ARL6IP4: variants seen among roughly 807,000 people sequenced by gnomAD.
ARL6IP4 encodes the protein ARF like GTPase 6 interacting protein 4, also known as ADP-ribosylation factor-like protein 6-interacting protein 4.
In ARL6IP4, 24 loss-of-function variants were observed where a neutral mutation model predicts 28.1. That is an observed-to-expected ratio of 0.86 (90% CI 0.62 to 1.20). ARL6IP4 has a LOEUF of 1.20. Ranked by LOEUF, ARL6IP4 falls within the 50% of genes most tolerant of loss-of-function variation. The pLI, the probability that ARL6IP4 is intolerant of heterozygous loss-of-function variation, is 0.00. For missense variants in ARL6IP4, 343 were observed against 302.4 expected, an observed-to-expected ratio of 1.13 and a Z score of -1.00; for synonymous variants, 162 against 122.3, an observed-to-expected ratio of 1.32 and a Z score of -2.14.
In ARL6IP4 at chr12:122,981,254, T is replaced by C. The variant is rs1594105660; in HGVS notation, c.115T>C (p.Ser39Pro). Residue 39 changes from serine (S) to proline (P), a missense_variant, in exon 2 of 6, where the codon TCC becomes CCC. Physicochemically the swap from Ser to Pro is moderately conservative, Grantham distance 74. Transcript: ENST00000315580. ...RKDTSRNCSA[S>P]TSQGRKASTA... ...AGACACCTCGAGGAACTGCTCGGCC[T>C]CCACATCCCAAGGTCGCAAGGCCAG... 6.5e-7 allele frequency: 1 copy of C among 1,549,708 alleles called. No individual in the cohort carries two copies. The highest frequency in any genetic ancestry group is 2.5e-5 in the East Asian group (1 of 40,694).
chr12:122,982,419 A>G, intron 4 of ARL6IP4, 50 bp from the exon 5 acceptor site: 1 of 1,538,068 alleles, frequency 6.5e-7, no homozygotes, highest in Non-Finnish European at 8.9e-7. Context: ...CTCCTCTGGC[A>G]TTAGGGGACC....
Position 122,982,685 on chromosome 12 carries a change from G to C in ARL6IP4, c.*9G>C, listed in dbSNP as rs376742442. The C allele has an allele frequency of 3.1e-6, 5 of 1,613,020 alleles. No homozygotes were observed. In the South Asian group the frequency reaches 5.5e-5, roughly 18 times the overall value. Reference sequence around the variant, plus strand: ...CTGGGTTGCTTCCCTGAGGGCCCCCGCTGGCCAAGGCCTGTGGACGACGCT... The same window carrying C: ...CTGGGTTGCTTCCCTGAGGGCCCCCCCTGGCCAAGGCCTGTGGACGACGCT... On this transcript the variant is annotated 3_prime_UTR_variant, in exon 6 of 6. Coordinates refer to ENST00000315580, the MANE Select transcript of ARL6IP4 (RefSeq NM_018694.4).
chr12:122,981,333 A>C (rs2037641011), intron 2 of ARL6IP4, 34 bp downstream of exon 2: 33 of 1,526,114 alleles, frequency 2.2e-5, no homozygotes, highest in Non-Finnish European at 2.9e-5. Context: ...GAGGAGGCGC[A>C]GTTACTACCC....
In ARL6IP4 at chr12:122,982,857, C is replaced by A; in HGVS notation, c.*181C>A. The A allele has an allele frequency of 1.6e-6, 1 of 636,444 alleles. No homozygotes were observed. Among genetic ancestry groups the A allele is most frequent in the Non-Finnish European group, 2.7e-6 (1 of 365,166 alleles). 39.4% of individuals were successfully genotyped at this position (636,444 alleles called of 1,614,324 possible). A position where few individuals can be genotyped will look rare whatever the true frequency, so the allele number is the denominator to read the frequency against. ...GTTGGGGTCACCGGCCTGCTTGGCA[C>A]CCCCATCTGAAAGAGCAGCACTTCT... On this transcript the variant is annotated 3_prime_UTR_variant, in exon 6 of 6. Coordinates refer to ENST00000315580, the MANE Select transcript of ARL6IP4 (RefSeq NM_018694.4).
At chr12:122,980,479 G>C, upstream of ARL6IP4, 5 of 1,364,960 alleles carry the variant, frequency 3.7e-6, no homozygotes, top group Non-Finnish European at 4.7e-6. Flanking sequence ...CTGCGGGCGT[G>C]CGCCGAGAGG....
Position 122,982,462 on chromosome 12 carries a change from C to G in ARL6IP4, c.588-7C>G. 6.2e-7 allele frequency: 1 copy of G among 1,611,184 alleles called. No homozygotes were observed. The highest frequency in any genetic ancestry group is 8.5e-7 in the Non-Finnish European group (1 of 1,178,492). ...TCCTTGCTGAACGGAGACCCTCCCA[C>G]CCCCAGGCTTATTAAGGGAGATGGC... On this transcript the variant is annotated splice_region_variant and splice_polypyrimidine_tract_variant and intron_variant, in intron 4 of 5. Coordinates refer to ENST00000315580, the MANE Select transcript of ARL6IP4 (RefSeq NM_018694.4).
upstream of ARL6IP4, chr12:122,980,418 G>T: frequency 7.3e-7 from 1 of 1,366,130 alleles, no homozygotes. Flanking sequence ...CGGGGAGGAG[G>T]GCGGCGCGCG....
At position 122,981,748 on chromosome 12, in the gene ARL6IP4, A is replaced by G. The variant is rs760473702; in HGVS notation, c.338A>G (p.Lys113Arg). 4.7e-5 allele frequency: 72 copies of G among 1,515,970 alleles called. No individual in the cohort carries two copies. In the Middle Eastern group the frequency reaches 5.1e-4, roughly 11 times the overall value. 93.9% of individuals were successfully genotyped at this position (1,515,970 alleles called of 1,614,324 possible). Reference protein sequence around the residue: ...KRGKYKDKRRKKKKKRKKLKK... With the variant: ...KRGKYKDKRRRKKKKRKKLKK... ...GGGAAGTACAAGGACAAGAGGAGGA[A>G]GAAGAAGAAGAAGAGGAAGAAGCTG... Residue 113 changes from lysine to arginine, a missense_variant, in exon 3 of 6, where the codon AAG becomes AGG. Coordinates refer to ENST00000315580, the MANE Select transcript of ARL6IP4 (RefSeq NM_018694.4).
rs369239056 is a variant in ARL6IP4 at position 122,981,916 on chromosome 12, G to A, written c.469+37G>A. On this transcript the variant is annotated intron_variant, in intron 3 of 5. Coordinates refer to ENST00000315580, the MANE Select transcript of ARL6IP4 (RefSeq NM_018694.4). ...CCCAGCACCTGAGAGGGAGAAGGTC[G>A]CTTCCCAAGGCCTGGCCACCACCTC... The A allele has an allele frequency of 3.7e-5, 59 of 1,613,468 alleles. No individual in the cohort carries two copies. The highest frequency in any genetic ancestry group is 4.7e-5 in the Non-Finnish European group (55 of 1,179,898).
At chr12:122,980,848 C>T (rs977202966) in intron 1 of ARL6IP4, 103 bp downstream of exon 1, 22 of 1,332,106 alleles carry the variant, frequency 1.7e-5, no homozygotes, top group Middle Eastern at 2.4e-4. Flanking sequence ...AGACGCCACT[C>T]GCGGCGGACG....
chr12:122,981,220 G>C lies in ARL6IP4; in HGVS notation c.81G>C (p.Lys27Asn), dbSNP rs1489111739. Residue 27 changes from lysine (K) to asparagine (N), a missense_variant, in exon 2 of 6, where the codon AAG (lysine) becomes AAC (asparagine). Transcript: ENST00000315580. ...GGGGGTCGGAAAAGAGAAAGAAGAA[G>C]AGCAGGAAAGACACCTCGAGGAACT... is the stretch of plus-strand genomic sequence containing the variant. Reference protein sequence around the residue: ...RGRGSEKRKKKSRKDTSRNCS... With the variant: ...RGRGSEKRKKNSRKDTSRNCS... The C allele has an allele frequency of 6.5e-7, 1 of 1,549,954 alleles. No individual in the cohort carries two copies. Among genetic ancestry groups the C allele is most frequent in the Non-Finnish European group, 8.7e-7 (1 of 1,146,720 alleles).
Position 122,981,253 on chromosome 12 carries a change from C to T in ARL6IP4, c.114C>T (p.Ala38=), listed in dbSNP as rs1435276627. The change falls in exon 2 of 6, where the codon GCC becomes GCT. Residue 38 remains alanine, a synonymous_variant. Transcript: ENST00000315580. ...SRKDTSRNCS[A]STSQGRKAST... ...AAGACACCTCGAGGAACTGCTCGGCCTCCACATCCCAAGGTCGCAAGGCCA... is the reference window on the plus strand; with the variant it reads ...AAGACACCTCGAGGAACTGCTCGGCTTCCACATCCCAAGGTCGCAAGGCCA... The T allele has an allele frequency of 6.5e-7, 1 of 1,549,810 alleles. No individual in the cohort carries two copies. Among genetic ancestry groups the T allele is most frequent in the East Asian group, 2.5e-5 (1 of 40,726 alleles).
At position 122,981,671 on chromosome 12, in the gene ARL6IP4, T is replaced by TTCTTCCTCCTCGTCCTCCTCC. The variant is rs1566219154; in HGVS notation, c.271_291dup (p.Ser92_Ser98dup). On this transcript the variant is annotated inframe_insertion, in exon 3 of 6. Coordinates refer to ENST00000315580, the MANE Select transcript of ARL6IP4 (RefSeq NM_018694.4). ...CTTCTTCCAGTTCTTCTAGCTCCTC[T>TTCTTCCTCCTCGTCCTCCTCC]TCTTCCTCCTCGTCCTCCTCCTCTT... 5.1e-6 allele frequency: 8 copies of TTCTTCCTCCTCGTCCTCCTCC among 1,554,890 alleles called. No homozygotes were observed. The highest frequency in any genetic ancestry group is 4.1e-5 in the African/African-American group (3 of 73,356).
upstream of ARL6IP4, chr12:122,980,389 T>C (rs1427766231): frequency 5.2e-6 from 7 of 1,344,840 alleles, no homozygotes; most frequent in Non-Finnish European, 6.7e-6. Flanking sequence ...CGCAGTCGTA[T>C]GGAGAGGGCA....
chr12:122,982,107 G>A, intron 4 of ARL6IP4, 33 bp downstream of exon 4: 1 of 1,602,512 alleles, frequency 6.2e-7, no homozygotes, highest in African/African-American at 1.3e-5. Flanking sequence ...TACACCACAG[G>A]ATCTGGGAGT....
In ARL6IP4 at chr12:122,982,784, A is replaced by G; in HGVS notation, c.*108A>G. The G allele has an allele frequency of 8.2e-7, 1 of 1,219,512 alleles. No homozygotes were observed. The highest frequency in any genetic ancestry group is 1.9e-5 in the Admixed American group (1 of 52,608). The allele number at this position is 1,219,512 out of a possible 1,614,324, so 75.5% of individuals were successfully genotyped here. A position where few individuals can be genotyped will look rare whatever the true frequency, so the allele number is the denominator to read the frequency against. On this transcript the variant is annotated 3_prime_UTR_variant, in exon 6 of 6. Transcript: ENST00000315580. The stretch of plus-strand genomic sequence containing the variant: ...GGTGCTGGTGGCCTTTCCCCCGTGG[A>G]TTGGTCTCTGGCCCAGCCCAGTCTC...
upstream of ARL6IP4, chr12:122,980,444 TC>T (rs765785252): frequency 7.3e-7 from 1 of 1,362,784 alleles, no homozygotes; most frequent in Non-Finnish European, 9.4e-7. Flanking sequence ...GTCGCCTTCT[TC>T]CCAGGGCACC....
upstream of ARL6IP4, chr12:122,980,415 G>A (rs775267501): frequency 2.3e-5 from 31 of 1,367,354 alleles, no homozygotes; most frequent in Admixed American, 6.1e-5. Context: ...AGCCGGGGAG[G>A]AGGGCGGCGC....
Position 122,982,667 on chromosome 12 carries a change from G to T in ARL6IP4, c.705G>T (p.Leu235Phe). 1 of 1,613,766 alleles carries T rather than the reference G, an allele frequency of 6.2e-7. No individual in the cohort carries two copies. Among genetic ancestry groups the T allele is most frequent in the African/African-American group, 1.3e-5 (1 of 75,058 alleles). The stretch of plus-strand genomic sequence containing the variant: ...TGGCCTTCCAGATGCGAGCTGGGTT[G>T]CTTCCCTGAGGGCCCCCGCTGGCCA... ...DCLAFQMRAG[L>F]LP Residue 235 changes from leucine to phenylalanine, a missense_variant, in exon 6 of 6, where the codon TTG (leucine) becomes TTT (phenylalanine). Physicochemically the swap from Leu to Phe is conservative, Grantham distance 22. Coordinates refer to ENST00000315580, the MANE Select transcript of ARL6IP4 (RefSeq NM_018694.4).
Sources: gnomAD v4.1 joint callset for allele counts on GRCh38, gnomAD v4.1.1 for gene constraint, MANE v1.5 for transcripts, NCBI Gene and HGNC (gene_info 2026-07-23, HGNC 2026-07-21) for gene names.